Variants in ANO4 observed in about 807,000 individuals in gnomAD.
ANO4 encodes anoctamin 4.
In ANO4, 69 loss-of-function variants were observed where a neutral mutation model predicts 141.9. That is an observed-to-expected ratio of 0.49 (90% CI 0.40 to 0.59). The LOEUF (loss-of-function observed/expected upper bound fraction) is 0.59. Ranked by LOEUF, ANO4 falls within the 20% of genes least tolerant of loss-of-function variation. The probability of loss-of-function intolerance (pLI) is 0.00; values close to 1 mark genes in which losing one functional copy is unlikely to be tolerated. For missense variants in ANO4, 894 were observed against 1,162.2 expected (o/e 0.77, Z 3.36); for synonymous variants, 350 against 394.3 (o/e 0.89, Z 1.33).
At chr12:100,759,018 T>A (rs528145454) in intron 3 of ANO4, among the ~76,000 whole-genome samples, 1 of 152,276 alleles carries the variant, frequency 6.6e-6, no homozygotes, top group African/African-American at 2.4e-5. Flanking sequence ...CAAAGACCCT[T>A]GTTCAAAATA....
chr12:101,079,286 T>G lies in ANO4; in HGVS notation c.1395+11T>G. On this transcript the variant is annotated intron_variant, in intron 15 of 27. Transcript: ENST00000392977. ...TGGGAAGAAGAGGAGGTTTGTATCA[T>G]TTACCTCAGAATGTTGTAAAAAGCA... is the stretch of plus-strand genomic sequence containing the variant. The G allele has an allele frequency of 6.2e-7, 1 of 1,608,312 alleles. No individual in the cohort carries two copies. The highest frequency in any genetic ancestry group is 8.5e-7 in the Non-Finnish European group (1 of 1,175,230).
intron 9 of ANO4, among the ~76,000 whole-genome samples, chr12:101,033,307 G>C (rs1255975094): frequency 1.3e-5 from 2 of 151,768 alleles, no homozygotes; most frequent in Non-Finnish European, 2.9e-5. Context: ...TCACACTCTG[G>C]GGACTGTTGT....
intron 7 of ANO4, among the ~76,000 whole-genome samples, chr12:100,983,661 T>C (rs1478009850): frequency 6.6e-6 from 1 of 152,188 alleles, no homozygotes; most frequent in Non-Finnish European, 1.5e-5. Context: ...AAGCCAGCAA[T>C]GGTGGGTCAA....
chr12:101,091,609 A>G (rs908471062), intron 17 of ANO4, among the ~76,000 whole-genome samples: 1 of 152,168 alleles, frequency 6.6e-6, no homozygotes, highest in Non-Finnish European at 1.5e-5. Flanking sequence ...GTGACCCAAT[A>G]TAGATTTTTT....
chr12:100,764,835 T>A (rs909436523), intron 3 of ANO4, among the ~76,000 whole-genome samples: 6 of 152,214 alleles, frequency 3.9e-5, no homozygotes, highest in African/African-American at 1.4e-4. Context: ...TGGTGTATAA[T>A]CTTTAAATGT....
At chr12:100,867,487 C>A (rs1311666843) in intron 1 of ANO4, among the ~76,000 whole-genome samples, 1 of 152,054 alleles carries the variant, frequency 6.6e-6, no homozygotes, top group East Asian at 1.9e-4. Context: ...ATTATTCAGT[C>A]CCTTTGGTCT....
intron 17 of ANO4, among the ~76,000 whole-genome samples, chr12:101,087,215 G>A (rs958744309): frequency 5.9e-5 from 9 of 152,130 alleles, no homozygotes; most frequent in African/African-American, 1.9e-4. Context: ...TAGGAAGATA[G>A]ACAGTATCCA....
chr12:101,080,883 T>TTATATATATATATATATATATATTATATA (rs1463149041), intron 15 of ANO4, among the ~76,000 whole-genome samples: 1 of 74,072 alleles, frequency 1.4e-5, no homozygotes, highest in Non-Finnish European at 3.0e-5. Flanking sequence ...TATATATATA[T>TTATATATATATATATATATATATTATATA]TATATATATA....
chr12:100,802,211 T>G (rs969236621), intron 1 of ANO4, among the ~76,000 whole-genome samples: 7 of 152,226 alleles, frequency 4.6e-5, no homozygotes, highest in Non-Finnish European at 7.3e-5. Flanking sequence ...ATTTAGTTAT[T>G]TTTTTATTTG....
intron 1 of ANO4, among the ~76,000 whole-genome samples, chr12:100,865,023 G>A (rs1355072090): frequency 6.6e-6 from 1 of 152,108 alleles, no homozygotes; most frequent in African/African-American, 2.4e-5. Flanking sequence ...TCTTTATCCA[G>A]GCTATCATTG....
chr12:100,976,238 T>C (rs1383528398), intron 7 of ANO4, among the ~76,000 whole-genome samples: 1 of 152,228 alleles, frequency 6.6e-6, no homozygotes, highest in African/African-American at 2.4e-5. Context: ...AGGTTCCCTC[T>C]GTTTATATGC....
intron 9 of ANO4, among the ~76,000 whole-genome samples, chr12:101,031,913 C>T (rs1219500977): frequency 6.6e-6 from 1 of 152,150 alleles, no homozygotes. Flanking sequence ...CTACAAACCA[C>T]TGCTCAAGGA....
chr12:101,102,137 C>T (rs1223087157), intron 22 of ANO4, among the ~76,000 whole-genome samples: 13 of 152,126 alleles, frequency 8.5e-5, no homozygotes, highest in Admixed American at 6.5e-5. Context: ...CTGATAGACA[C>T]TTGTGTTGTT....
At chr12:101,026,573 T>G (rs2046745671) in intron 9 of ANO4, among the ~76,000 whole-genome samples, 1 of 152,080 alleles carries the variant, frequency 6.6e-6, no homozygotes, top group African/African-American at 2.4e-5. Flanking sequence ...GGACCTAGAA[T>G]AGCCAAAACA....
intron 17 of ANO4, among the ~76,000 whole-genome samples, chr12:101,087,046 G>A (rs913102655): frequency 6.6e-6 from 1 of 152,036 alleles, no homozygotes; most frequent in Non-Finnish European, 1.5e-5. Flanking sequence ...TATAAGATTG[G>A]GCAAAGCACA....
rs1396047949 is a variant in ANO4, at chr12:100,901,828, G to A, written c.43G>A (p.Val15Ile). ...SSGITNGKTK[V>I]FHPEGGVDLQ... ...TGGAATCACTAATGGAAAAACCAAA[G>A]TCTTCCACCCAGGTGATGCATGGGG... is the stretch of plus-strand genomic sequence containing the variant. The change falls in exon 2 of 28, where the codon GTC (valine) becomes ATC (isoleucine). Residue 15 changes from valine to isoleucine, a missense_variant. By Grantham distance (29) the Val-to-Ile change is conservative (BLOSUM62 3). This residue lies in a region of ANO4 where 257 missense variants were observed against 253.0 expected (regional missense o/e 1.02). Transcript: ENST00000392977. 6.2e-7 allele frequency: 1 copy of A among 1,609,086 alleles called. No individual in the cohort carries two copies. The highest frequency in any genetic ancestry group is 2.2e-5 in the East Asian group (1 of 44,742).
chr12:101,002,376 C>A (rs1056483704), intron 8 of ANO4, among the ~76,000 whole-genome samples: 3 of 152,214 alleles, frequency 2.0e-5, no homozygotes, highest in Non-Finnish European at 4.4e-5. Context: ...AGTAGTGCCA[C>A]GTGTAGTAAC....
intron 14 of ANO4, among the ~76,000 whole-genome samples, chr12:101,063,956 A>G (rs2048466635): frequency 6.6e-6 from 1 of 150,840 alleles, no homozygotes; most frequent in Non-Finnish European, 1.5e-5. Flanking sequence ...AGTTCTATTG[A>G]TCTTTTAAAG....
At chr12:100,934,868 TC>T (rs1280097477) in intron 3 of ANO4, among the ~76,000 whole-genome samples, 1 of 152,208 alleles carries the variant, frequency 6.6e-6, no homozygotes, top group Non-Finnish European at 1.5e-5. Flanking sequence ...GAATGGGAGT[TC>T]AGTCACGATT....
Sources: gnomAD v4.1 joint callset for allele counts (sites outside exome capture counted in the v4.1 genomes callset) on GRCh38, gnomAD v4.1.1 for gene constraint, gnomAD v4.1.1 regional missense constraint, MANE v1.5 for transcripts, NCBI Gene and HGNC (gene_info 2026-07-23, HGNC 2026-07-21) for gene names.